Variants in LRCH2 observed in about 807,000 individuals in gnomAD.
LRCH2 encodes the protein leucine rich repeats and calponin homology domain containing 2, also known as leucine-rich repeat and calponin homology domain-containing protein 2.
LRCH2 carries 38 observed loss-of-function variants against 68.9 expected under a neutral mutation model. The ratio of observed to expected loss-of-function variants is 0.55; its 90% CI spans 0.43 to 0.72. The LOEUF is 0.72. Ranked by LOEUF, LRCH2 falls within the 30% of genes least tolerant of loss-of-function variation. The pLI, the probability that LRCH2 is intolerant of heterozygous loss-of-function variation, is 0.00. For missense variants in LRCH2, 528 were observed against 572.9 expected (o/e 0.92, Z 0.80); for synonymous variants, 191 against 208.1 (o/e 0.92, Z 0.71).
intron 1 of LRCH2, among the ~76,000 whole-genome samples, chrX:115,214,198 T>C (rs951448860): frequency 8.0e-5 from 9 of 112,234 alleles, no homozygotes; most frequent in African/African-American, 2.9e-4. Context: ...TTCTCAAATG[T>C]TAGCAATTCC....
intron 5 of LRCH2, among the ~76,000 whole-genome samples, chrX:115,170,960 G>A (rs1280326457): frequency 9.0e-6 from 1 of 110,878 alleles, no homozygotes; most frequent in African/African-American, 3.3e-5. Flanking sequence ...AGAAAACACT[G>A]GTCAATTCAA....
Position 115,170,408 on chromosome X carries a change from T to C in LRCH2, c.889A>G (p.Ile297Val). The C allele has an allele frequency of 8.6e-7, 1 of 1,158,742 alleles. No individual in the cohort carries two copies. The highest frequency in any genetic ancestry group is 1.2e-6 in the Non-Finnish European group (1 of 869,157). Residue 297 changes from isoleucine to valine, a missense_variant, in exon 6 of 21, where the codon ATA (isoleucine) becomes GTA (valine). Transcript: ENST00000317135. Reference sequence around the variant, plus strand: ...GCTTGAATATTTAAGTACTTAAATATGTGCACCTTACCCTTTAAACATATC... The same window carrying C: ...GCTTGAATATTTAAGTACTTAAATACGTGCACCTTACCCTTTAAACATATC... ...AQICLKGKVH[I>V]FKYLNIQACC...
chrX:115,126,636 T>C, intron 16 of LRCH2, among the ~76,000 whole-genome samples: 1 of 111,507 alleles, frequency 9.0e-6, no homozygotes, highest in Non-Finnish European at 1.9e-5. Flanking sequence ...CTAGTATCAA[T>C]ATTTTTACCA....
intron 1 of LRCH2, among the ~76,000 whole-genome samples, chrX:115,197,847 T>TCTCTCTCTCTCTCTCACACACA (rs782358260): frequency 1.4e-3 from 29 of 20,563 alleles, no homozygotes; most frequent in African/African-American, 3.3e-3. Flanking sequence ...TCTCTCTCTC[T>TCTCTCTCTCTCTCTCACACACA]CACACACACA....
At chrX:115,178,985 A>T (rs1430922972) in intron 5 of LRCH2, among the ~76,000 whole-genome samples, 3 of 112,224 alleles carry the variant, frequency 2.7e-5, no homozygotes, top group Admixed American at 9.5e-5. Context: ...CTATCATTTA[A>T]GAGGATTCCA....
chrX:115,190,414 G>A, intron 1 of LRCH2: 2 of 1,164,696 alleles, frequency 1.7e-6, no homozygotes, highest in East Asian at 3.3e-5. Context: ...ATCTTATGGA[G>A]GAGGATGCCG....
chrX:115,156,609 C>T lies in LRCH2; in HGVS notation c.1522G>A (p.Glu508Lys). The change falls in exon 12 of 21, where the codon GAA becomes AAA. Residue 508 changes from glutamate (E) to lysine (K), a missense_variant. By Grantham distance (56) the Glu-to-Lys change is moderately conservative. Transcript: ENST00000317135. ...ACTAAGATATTTTTATACCTCTTTTCACATTCCACAGTTTGTTTTGGCTTG... is the reference window on the plus strand; with the variant it reads ...ACTAAGATATTTTTATACCTCTTTTTACATTCCACAGTTTGTTTTGGCTTG... ...RNKPKQTVEC[E>K]KSVSADEVNS... 1 of 1,133,053 alleles carries T rather than the reference C, an allele frequency of 8.8e-7. No homozygotes were observed. The allele number at this position is 1,133,053 out of a possible 1,213,427, so 93.4% of individuals were successfully genotyped here. A position where few individuals can be genotyped will look rare whatever the true frequency, so the allele number is the denominator to read the frequency against.
intron 15 of LRCH2, among the ~76,000 whole-genome samples, chrX:115,128,994 G>A (rs1390152194): frequency 1.2e-4 from 13 of 111,852 alleles, no homozygotes; most frequent in Non-Finnish European, 2.3e-4. Context: ...ACAAACTGTC[G>A]GATATTAGCG....
chrX:115,159,313 T>G (rs2072498334), intron 11 of LRCH2, among the ~76,000 whole-genome samples: 1 of 110,555 alleles, frequency 9.0e-6, no homozygotes, highest in Non-Finnish European at 1.9e-5. Flanking sequence ...AAAATAATAG[T>G]GAAGGTAAAA....
chrX:115,125,420 T>C (rs1457120955), intron 16 of LRCH2, among the ~76,000 whole-genome samples: 7 of 62 alleles, frequency 0.11, no homozygotes, highest in Middle Eastern at 0.5. Context: ...TATATATATA[T>C]ATATATATAT....
chrX:115,223,770 A>G (rs1459845070), intron 1 of LRCH2, among the ~76,000 whole-genome samples: 1 of 108,019 alleles, frequency 9.3e-6, no homozygotes, highest in Non-Finnish European at 1.9e-5. Flanking sequence ...AAAAAAAAAT[A>G]CAAAAATTAG....
At position 115,166,263 on chromosome X, in the gene LRCH2, T is replaced by C. The variant is rs1287575024; in HGVS notation, c.1078A>G (p.Thr360Ala). 1.7e-6 allele frequency: 2 copies of C among 1,182,026 alleles called. No individual in the cohort carries two copies. Among genetic ancestry groups the C allele is most frequent in the East Asian group, 6.0e-5 (2 of 33,525 alleles). Reference sequence around the variant, plus strand: ...CAATAGAAAATACTCACTTCTGTTGTGGATAATCGTTTCTCTCCATTATCA... The same window carrying C: ...CAATAGAAAATACTCACTTCTGTTGCGGATAATCGTTTCTCTCCATTATCA... ...GSDNGEKRLS[T>A]TEPSDDDTVS... The change falls in exon 7 of 21, where the codon ACA becomes GCA. Residue 360 changes from threonine (T) to alanine (A), a missense_variant. Thr to Ala is a moderately conservative substitution (Grantham distance 58, BLOSUM62 0). Transcript: ENST00000317135.
intron 1 of LRCH2, among the ~76,000 whole-genome samples, chrX:115,221,874 GATCTGGGATACAAAGA>G (rs2073087221): frequency 9.3e-6 from 1 of 107,852 alleles, no homozygotes; most frequent in South Asian, 4.1e-4. Flanking sequence ...ATAAAGGCCT[GATCTGGGATACAAAGA>G]ATCAATAGGA....
intron 11 of LRCH2, among the ~76,000 whole-genome samples, chrX:115,159,136 G>T (rs1333058486): frequency 9.3e-6 from 1 of 107,511 alleles, no homozygotes. Context: ...TTTTATTTTG[G>T]TAAGAACATT....
At chrX:115,115,665 T>C (rs1325557758) in intron 20 of LRCH2, among the ~76,000 whole-genome samples, 2 of 110,378 alleles carry the variant, frequency 1.8e-5, no homozygotes, top group Non-Finnish European at 3.8e-5. Flanking sequence ...AGATATGATA[T>C]CAAAATCATA....
intron 11 of LRCH2, among the ~76,000 whole-genome samples, chrX:115,158,361 G>A (rs1220532634): frequency 9.0e-6 from 1 of 111,564 alleles, no homozygotes; most frequent in Non-Finnish European, 1.9e-5. Context: ...AAAGAAAGCA[G>A]AAACAAAAGA....
rs782224524 is a variant in LRCH2, at chrX:115,123,241, G to A, written c.1850-49C>T. 7.6e-5 allele frequency: 74 copies of A among 971,815 alleles called. No individual in the cohort carries two copies. In the South Asian group the frequency reaches 1.4e-3, roughly 18 times the overall value. 80.1% of individuals were successfully genotyped at this position (971,815 alleles called of 1,213,427 possible). A position where few individuals can be genotyped will look rare whatever the true frequency, so the allele number is the denominator to read the frequency against. On this transcript the variant is annotated intron_variant, in intron 17 of 20. Coordinates refer to ENST00000317135, the MANE Select transcript of LRCH2 (RefSeq NM_020871.4). ...CTTGTTACAAAGTTAATGGGAAGGA[G>A]CAACTATTGATGGGGAAAGAGGCAT...
intron 1 of LRCH2, among the ~76,000 whole-genome samples, chrX:115,217,015 G>C (rs1178777415): frequency 9.0e-6 from 1 of 111,538 alleles, no homozygotes; most frequent in African/African-American, 3.3e-5. Context: ...ACTGAATTTC[G>C]AATGGCGAGG....
chrX:115,196,380 G>A (rs1424633708), intron 1 of LRCH2, among the ~76,000 whole-genome samples: 3 of 111,024 alleles, frequency 2.7e-5, no homozygotes, highest in African/African-American at 6.6e-5. Context: ...TTCACCAGGG[G>A]CATGACGACT....
Sources: gnomAD v4.1 joint callset for allele counts (sites outside exome capture counted in the v4.1 genomes callset) on GRCh38, gnomAD v4.1.1 for gene constraint, MANE v1.5 for transcripts, NCBI Gene and HGNC (gene_info 2026-07-23, HGNC 2026-07-21) for gene names.